The following CNTNAP2 variants were observed in gnomAD, a reference collection of about 807,000 sequenced individuals.
The protein encoded by CNTNAP2 is contactin-associated protein-like 2.
CNTNAP2 carries 98 observed loss-of-function variants against 155.2 expected under a neutral mutation model. That is an observed-to-expected ratio of 0.63 (90% CI 0.54 to 0.75). The LOEUF (loss-of-function observed/expected upper bound fraction) is 0.75. Among genes scored for constraint, CNTNAP2 ranks in the 30% least tolerant of loss-of-function variants. The probability of loss-of-function intolerance (pLI) is 0.00; values close to 1 mark genes in which losing one functional copy is unlikely to be tolerated. For synonymous variants in CNTNAP2, 651 were observed against 631.2 expected (o/e 1.03, Z -0.47); for missense variants, 1,727 against 1,688.1 (o/e 1.02, Z -0.40).
intron 1 of CNTNAP2, among the ~76,000 whole-genome samples, chr7:146,352,750 G>GTTTTTTTTTTTTTTCTTTT (rs1794935051): frequency 6.2e-5 from 4 of 64,336 alleles, no homozygotes; most frequent in Non-Finnish European, 1.1e-4. Flanking sequence ...GCATAATTCT[G>GTTTTTTTTTTTTTTCTTTT]TTTTTTTTTT....
chr7:147,395,589 C>T lies in CNTNAP2; in HGVS notation c.1499-20C>T, dbSNP rs375149841. The T allele has an allele frequency of 4.3e-6, 7 of 1,610,138 alleles. No individual in the cohort carries two copies. Among genetic ancestry groups the T allele is most frequent in the Non-Finnish European group, 5.1e-6 (6 of 1,177,356 alleles). On this transcript the variant is annotated intron_variant, in intron 9 of 23. Transcript: ENST00000361727. ...TATACTGTACACCAGATTTACATTC[C>T]CATTTCTTCTGTTTCACAGGTTTTC...
At chr7:146,922,012 C>T (rs1296724998) in intron 3 of CNTNAP2, among the ~76,000 whole-genome samples, 1 of 151,990 alleles carries the variant, frequency 6.6e-6, no homozygotes, top group Non-Finnish European at 1.5e-5. Flanking sequence ...GATGCCACTG[C>T]CACCCATAAT....
chr7:146,125,909 G>A (rs1307073747), intron 1 of CNTNAP2, among the ~76,000 whole-genome samples: 3 of 152,176 alleles, frequency 2.0e-5, no homozygotes, highest in Non-Finnish European at 4.4e-5. Flanking sequence ...ACTCCAGGCA[G>A]CAGTACATAT....
At chr7:147,554,215 A>G (rs1304450013) in intron 11 of CNTNAP2, among the ~76,000 whole-genome samples, 1 of 152,024 alleles carries the variant, frequency 6.6e-6, no homozygotes, top group African/African-American at 2.4e-5. Flanking sequence ...AGAGTTGTTT[A>G]GGTTTAGTCA....
intron 21 of CNTNAP2, among the ~76,000 whole-genome samples, chr7:148,379,900 C>G (rs73154571): frequency 0.022 from 3,310 of 152,282 alleles, 51 homozygotes; most frequent in Non-Finnish European, 0.032. Context: ...CCGCCTCTCA[C>G]TTGGCATTCA....
intron 1 of CNTNAP2, among the ~76,000 whole-genome samples, chr7:146,568,571 T>C (rs906700181): frequency 1.3e-5 from 2 of 152,230 alleles, no homozygotes; most frequent in Non-Finnish European, 2.9e-5. Flanking sequence ...CTCTAAATTA[T>C]GCAGGTTTAA....
intron 9 of CNTNAP2, among the ~76,000 whole-genome samples, chr7:147,360,177 T>C (rs1168808763): frequency 2.0e-5 from 3 of 152,210 alleles, no homozygotes; most frequent in Non-Finnish European, 4.4e-5. Flanking sequence ...TTTGTTTATA[T>C]ATGTCCCTAT....
At chr7:146,420,461 A>G (rs1795994393) in intron 1 of CNTNAP2, among the ~76,000 whole-genome samples, 3 of 152,014 alleles carry the variant, frequency 2.0e-5, no homozygotes, top group Admixed American at 2.0e-4. Flanking sequence ...CATTTTTAAC[A>G]TTTTTCAATC....
chr7:147,142,177 T>G (rs551549980), intron 8 of CNTNAP2, among the ~76,000 whole-genome samples: 1 of 152,288 alleles, frequency 6.6e-6, no homozygotes, highest in Non-Finnish European at 1.5e-5. Flanking sequence ...CGCTTCCAGT[T>G]TTTGCCCATT....
chr7:146,838,574 T>C (rs1206997812), intron 2 of CNTNAP2, among the ~76,000 whole-genome samples: 2 of 152,160 alleles, frequency 1.3e-5, no homozygotes, highest in African/African-American at 4.8e-5. Flanking sequence ...TGCCTTGGTC[T>C]CCCAAAGTGC....
At chr7:146,659,749 C>T (rs150097213) in intron 1 of CNTNAP2, among the ~76,000 whole-genome samples, 11 of 152,230 alleles carry the variant, frequency 7.2e-5, no homozygotes, top group African/African-American at 1.9e-4. Flanking sequence ...AGGTGGGAAA[C>T]GAACATTAAA....
chr7:147,174,421 G>A (rs1240292623), intron 8 of CNTNAP2, among the ~76,000 whole-genome samples: 1 of 152,096 alleles, frequency 6.6e-6, no homozygotes, highest in African/African-American at 2.4e-5. Flanking sequence ...TGACACTCCT[G>A]CTTATCATTT....
In CNTNAP2 at chr7:146,220,446, G is replaced by T. The variant is rs372238760; in HGVS notation, c.97+103473G>T. Among the ~76,000 whole-genome samples the T allele has an allele frequency of 1.2e-4, 18 of 152,254 alleles. No homozygotes were observed. In the East Asian group the frequency reaches 1.4e-3, roughly 11 times the overall value. ...ACAAGCTCAGATTTGGGTAGACCAG[G>T]TTCAAGTCAGCCACAGCAACTTCTT... On this transcript the variant is annotated intron_variant, in intron 1 of 23. Coordinates refer to ENST00000361727, the MANE Select transcript of CNTNAP2 (RefSeq NM_014141.6).
At chr7:147,630,756 T>C (rs1465861184) in intron 12 of CNTNAP2, among the ~76,000 whole-genome samples, 2 of 152,150 alleles carry the variant, frequency 1.3e-5, no homozygotes, top group Admixed American at 1.3e-4. Context: ...GAAAAAGCAT[T>C]TGACAAAGTC....
intron 15 of CNTNAP2, among the ~76,000 whole-genome samples, chr7:148,094,440 A>T (rs1803919532): frequency 6.6e-6 from 1 of 152,204 alleles, no homozygotes; most frequent in African/African-American, 2.4e-5. Context: ...TGGGGGGCAA[A>T]TCTGCTGGCA....
intron 8 of CNTNAP2, among the ~76,000 whole-genome samples, chr7:147,158,246 A>C (rs1050472326): frequency 6.6e-6 from 1 of 152,252 alleles, no homozygotes; most frequent in African/African-American, 2.4e-5. Flanking sequence ...CCTCTTAAAA[A>C]CAGACATATG....
chr7:147,731,198 G>A (rs1796733541), intron 13 of CNTNAP2, among the ~76,000 whole-genome samples: 1 of 152,148 alleles, frequency 6.6e-6, no homozygotes, highest in Non-Finnish European at 1.5e-5. Flanking sequence ...AAACAACAGA[G>A]TTTCAATCTA....
intron 16 of CNTNAP2, among the ~76,000 whole-genome samples, chr7:148,140,772 T>A (rs929093236): frequency 6.6e-6 from 1 of 152,154 alleles, no homozygotes; most frequent in Non-Finnish European, 1.5e-5. Flanking sequence ...TAAAACACAA[T>A]GTTAGACTAT....
intron 1 of CNTNAP2, among the ~76,000 whole-genome samples, chr7:146,131,088 A>T (rs1303012282): frequency 6.6e-6 from 1 of 152,226 alleles, no homozygotes; most frequent in Non-Finnish European, 1.5e-5. Flanking sequence ...TCCAATCTTT[A>T]CATAGTTTCA....
Sources: gnomAD v4.1 joint callset for allele counts (sites outside exome capture counted in the v4.1 genomes callset) on GRCh38, gnomAD v4.1.1 for gene constraint, MANE v1.5 for transcripts, NCBI Gene and HGNC (gene_info 2026-07-23, HGNC 2026-07-21) for gene names.